ERICH3: variants seen among roughly 807,000 people sequenced by gnomAD.
The protein encoded by ERICH3 is glutamate rich 3.
Under a neutral mutation model 131.1 loss-of-function variants are expected in ERICH3, and 126 were observed. The observed-to-expected ratio is 0.96, with a 90% CI of 0.83 to 1.11. ERICH3 has a LOEUF of 1.11. Ranked by LOEUF, ERICH3 falls within the 50% of genes most tolerant of loss-of-function variation. The pLI, the probability that ERICH3 is intolerant of heterozygous loss-of-function variation, is 0.00. For synonymous variants in ERICH3, 695 were observed against 644.6 expected, an observed-to-expected ratio of 1.08 and a Z score of -1.18; for missense variants, 2,050 against 1,810.7, an observed-to-expected ratio of 1.13 and a Z score of -2.40.
chr1:74,579,820 A>T, intron 12 of ERICH3: 1 of 985,244 alleles, frequency 1.0e-6, no homozygotes, highest in Non-Finnish European at 1.2e-6. Flanking sequence ...CTATCAATAA[A>T]GGTGACCACT....
intron 7 of ERICH3, chr1:74,625,285 T>G (rs1649376513): frequency 6.6e-6 from 1 of 151,982 alleles, no homozygotes; most frequent in Non-Finnish European, 1.5e-5. Flanking sequence ...AAGGGCCAAC[T>G]AGTGAAGGTT....
intron 12 of ERICH3, among the ~76,000 whole-genome samples, chr1:74,581,964 G>A (rs1162519052): frequency 2.6e-5 from 4 of 152,172 alleles, no homozygotes; most frequent in East Asian, 1.9e-4. Flanking sequence ...AATTCACTGC[G>A]TTACTTTTCT....
intron 9 of ERICH3, among the ~76,000 whole-genome samples, chr1:74,609,755 C>G (rs1648595391): frequency 6.6e-6 from 1 of 152,028 alleles, no homozygotes; most frequent in Non-Finnish European, 1.5e-5. Flanking sequence ...AATTGAAAAC[C>G]ATTCTTCTAT....
At chr1:74,630,411 C>T (rs551210919) in intron 7 of ERICH3, among the ~76,000 whole-genome samples, 78 of 152,282 alleles carry the variant, frequency 5.1e-4, no homozygotes, top group Middle Eastern at 3.4e-3. Flanking sequence ...GTGACATGTG[C>T]CACTCCTGAG....
At chr1:74,577,234 C>T (rs770995813) in intron 12 of ERICH3, 38 of 182,370 alleles carry the variant, frequency 2.1e-4, no homozygotes, top group Admixed American at 3.1e-4. Flanking sequence ...CATTCTATTC[C>T]TTAGTTGAAA....
Position 74,606,663 on chromosome 1 carries a change from G to A in ERICH3, c.1427C>T (p.Thr476Ile), listed in dbSNP as rs1460854205. 39 of 1,612,670 alleles carry A rather than the reference G, an allele frequency of 2.4e-5. No homozygotes were observed. Among genetic ancestry groups the A allele is most frequent in the Non-Finnish European group, 3.1e-5 (37 of 1,179,332 alleles). Residue 476 changes from threonine to isoleucine, a missense_variant, in exon 10 of 15, where the codon ACA becomes ATA. Thr to Ile is a moderately conservative substitution (Grantham distance 89, BLOSUM62 -1). Coordinates refer to ENST00000326665, the MANE Select transcript of ERICH3 (RefSeq NM_001002912.5). ...KEVVTAVEEM[T>I]SKGKPGQEVL... is the part of the protein sequence containing the mutation. Reference sequence around the variant, plus strand: ...TTCTTGTCCTGGTTTTCCTTTACTTGTCATTTCCTCCACAGCAGTTACCAC... The same window carrying A: ...TTCTTGTCCTGGTTTTCCTTTACTTATCATTTCCTCCACAGCAGTTACCAC...
chr1:74,579,096 CA>C (rs1196089899), intron 12 of ERICH3, among the ~76,000 whole-genome samples: 2 of 152,094 alleles, frequency 1.3e-5, no homozygotes, highest in Non-Finnish European at 2.9e-5. Flanking sequence ...ATCAAGTTTT[CA>C]TTTTAGAAAC....
intron 11 of ERICH3, among the ~76,000 whole-genome samples, 167 bp from the exon 12 acceptor site, chr1:74,590,247 A>G (rs1384739251): frequency 1.3e-5 from 2 of 152,160 alleles, no homozygotes; most frequent in East Asian, 3.9e-4. Flanking sequence ...AATCTTTTTT[A>G]TACCAGGGAG....
intron 7 of ERICH3, among the ~76,000 whole-genome samples, chr1:74,626,371 G>A (rs918603693): frequency 1.3e-5 from 2 of 152,156 alleles, no homozygotes; most frequent in African/African-American, 4.8e-5. Context: ...TATCAATTGG[G>A]CATCTGTAAT....
chr1:74,579,744 T>C (rs909713633), intron 12 of ERICH3: 5 of 985,290 alleles, frequency 5.1e-6, no homozygotes, highest in East Asian at 1.1e-4. Context: ...ATTTCAGCAA[T>C]GTGACATATC....
At chr1:74,601,392 C>T (rs111628682) in intron 10 of ERICH3, among the ~76,000 whole-genome samples, 2 of 151,910 alleles carry the variant, frequency 1.3e-5, no homozygotes, top group African/African-American at 2.4e-5. Context: ...AAAGACTCTC[C>T]AATTTTTATT....
chr1:74,651,896 G>A (rs1646537910), intron 1 of ERICH3, among the ~76,000 whole-genome samples: 1 of 152,096 alleles, frequency 6.6e-6, no homozygotes, highest in African/African-American at 2.4e-5. Context: ...AGCTTTGGTA[G>A]CACCTGATTT....
rs1024389020 is a variant in ERICH3, at chr1:74,673,699, C to A, written c.-180G>T. The A allele has an allele frequency of 8.9e-5, 43 of 480,802 alleles. No individual in the cohort carries two copies. The highest frequency in any genetic ancestry group is 1.3e-4 in the Non-Finnish European group (38 of 282,768). The allele number at this position is 480,802 out of a possible 1,614,324, so 29.8% of individuals were successfully genotyped here. The stretch of plus-strand genomic sequence containing the variant: ...GGCGCCCGGGCTACCCGCAGCCTCC[C>A]GGGCTCCCACCCTCCGTTGGTATCC... On this transcript the variant is annotated 5_prime_UTR_variant, in exon 1 of 15. Transcript: ENST00000326665.
intron 12 of ERICH3, among the ~76,000 whole-genome samples, chr1:74,586,755 A>C (rs746320862): frequency 4.6e-5 from 7 of 152,164 alleles, no homozygotes; most frequent in Admixed American, 1.3e-4. Context: ...TAACACACAG[A>C]GATTAAATAT....
At chr1:74,664,618 C>A (rs1008582948) in intron 1 of ERICH3, among the ~76,000 whole-genome samples, 3 of 152,074 alleles carry the variant, frequency 2.0e-5, no homozygotes, top group South Asian at 2.1e-4. Context: ...CTACTATGTG[C>A]AATTTATATT....
chr1:74,588,686 G>A (rs1210710975), intron 12 of ERICH3, among the ~76,000 whole-genome samples: 2 of 152,210 alleles, frequency 1.3e-5, no homozygotes, highest in Non-Finnish European at 2.9e-5. Context: ...CAGTTCCAGG[G>A]CACAGGAGGC....
chr1:74,606,840 C>T lies in ERICH3; in HGVS notation c.1250G>A (p.Ser417Asn), dbSNP rs1430672403. Residue 417 changes from serine to asparagine, a missense_variant, in exon 10 of 15, where the codon AGC (serine) becomes AAC (asparagine). Coordinates refer to ENST00000326665, the MANE Select transcript of ERICH3 (RefSeq NM_001002912.5). ...CTTCAGTTCCTCTCCTTTCTCAGTG[C>T]TCTTTTCTTTCCTAGATTTCGGCAA... ...PSLPKSRKEK[S>N]TEKGEELKKA... 3.7e-6 allele frequency: 6 copies of T among 1,612,958 alleles called. No individual in the cohort carries two copies. The highest frequency in any genetic ancestry group is 2.2e-5 in the East Asian group (1 of 44,828).
intron 1 of ERICH3, among the ~76,000 whole-genome samples, chr1:74,669,170 C>A (rs1646718801): frequency 2.6e-5 from 4 of 152,142 alleles, no homozygotes; most frequent in African/African-American, 4.8e-5. Flanking sequence ...TGTATTAATT[C>A]TTTCTTTACC....
intron 6 of ERICH3, among the ~76,000 whole-genome samples, 175 bp from the exon 7 acceptor site, chr1:74,632,103 C>A (rs1331944234): frequency 1.3e-5 from 2 of 152,042 alleles, no homozygotes; most frequent in African/African-American, 4.8e-5. Flanking sequence ...GTATCTGCGG[C>A]AAATTAAAAA....
Sources: allele counts gnomAD v4.1 joint callset (sites outside exome capture counted in the v4.1 genomes callset), GRCh38; gene constraint gnomAD v4.1.1; transcripts MANE v1.5; gene names NCBI Gene and HGNC (gene_info 2026-07-23, HGNC 2026-07-21).